Variants in ETV2 observed in about 807,000 individuals in gnomAD.
The protein encoded by ETV2 is ETS variant transcription factor 2.
A neutral mutation model predicts 35.7 loss-of-function variants in ETV2; 34 were observed. That is an observed-to-expected ratio of 0.95 (90% CI 0.72 to 1.27). ETV2 has a LOEUF of 1.27. ETV2 is among the 50% of genes most tolerant of loss of function. The pLI is 0.00. For missense variants in ETV2, 512 were observed against 470.5 expected, an observed-to-expected ratio of 1.09 and a Z score of -0.82; for synonymous variants, 207 against 203.9, an observed-to-expected ratio of 1.02 and a Z score of -0.13.
chr19:35,643,766 CAA>C lies in ETV2; in HGVS notation c.715+15_715+16del, dbSNP rs780119134. On this transcript the variant is annotated intron_variant, in intron 5 of 6. Coordinates refer to ENST00000402764, the MANE Select transcript of ETV2 (RefSeq NM_014209.4). The surrounding 1 kb of genome is among the most constrained non-coding windows in gnomAD (Gnocchi z 5.0). ...ACTAACCACCGAGGTGAGAGGGCCG[CAA>C]AGACTGCGGGGAGGGCGAAGCTGGA... 6.2e-7 allele frequency: 1 copy of C among 1,613,098 alleles called. No individual in the cohort carries two copies. The highest frequency in any genetic ancestry group is 1.1e-5 in the South Asian group (1 of 91,070).
Position 35,643,748 on chromosome 19 carries a change from A to G in ETV2, c.710A>G (p.His237Arg). 2 of 1,612,934 alleles carry G rather than the reference A, an allele frequency of 1.2e-6. No homozygotes were observed. The highest frequency in any genetic ancestry group is 2.2e-5 in the East Asian group (1 of 44,780). ...TTGGCTCGATGCCCCAAAACTAACC[A>G]CCGAGGTGAGAGGGCCGCAAAGACT... ...ASLARCPKTN[H>R]RGPIQLWQFL... Residue 237 changes from histidine (H) to arginine (R), a missense_variant, in exon 5 of 7, where the codon CAC becomes CGC. Transcript: ENST00000402764. The surrounding 1 kb of genome is among the most constrained non-coding windows in gnomAD (Gnocchi z 5.0).
chr19:35,644,334 G>A lies in ETV2; in HGVS notation c.815G>A (p.Cys272Tyr). Residue 272 changes from cysteine to tyrosine, a missense_variant, in exon 6 of 7, where the codon TGC becomes TAC. Coordinates refer to ENST00000402764, the MANE Select transcript of ETV2 (RefSeq NM_014209.4). This position sits in a 1 kb window ranked among gnomAD's most constrained non-coding sequence, Gnocchi z 4.7. ...WTGNSREFQLCDPKEVARLWG... is the reference protein window; with the variant it reads ...WTGNSREFQLYDPKEVARLWG... Reference sequence around the variant, plus strand: ...GGCAACAGCCGCGAGTTCCAGCTGTGCGACCCCAAAGAGGTGGGGCAGCTC... The same window carrying A: ...GGCAACAGCCGCGAGTTCCAGCTGTACGACCCCAAAGAGGTGGGGCAGCTC... 6.4e-7 allele frequency: 1 copy of A among 1,550,968 alleles called. No homozygotes were observed. Among genetic ancestry groups the A allele is most frequent in the Non-Finnish European group, 8.7e-7 (1 of 1,146,232 alleles).
chr19:35,644,463 T>A lies in ETV2; in HGVS notation c.828+116T>A. 1.1e-6 allele frequency: 1 copy of A among 920,178 alleles called. No individual in the cohort carries two copies. Among genetic ancestry groups the A allele is most frequent in the Non-Finnish European group, 1.7e-6 (1 of 602,134 alleles). 57.0% of individuals were successfully genotyped at this position (920,178 alleles called of 1,614,324 possible). On this transcript the variant is annotated intron_variant, in intron 6 of 6. Coordinates refer to ENST00000402764, the MANE Select transcript of ETV2 (RefSeq NM_014209.4). This position sits in a 1 kb window ranked among gnomAD's most constrained non-coding sequence, Gnocchi z 4.7. ...TCGGCCCCGCCGCTCCCCGGCCCAC[T>A]CGAGGCCCCGCCCAACCCTTCTCAA...
rs866241916 is a variant in ETV2 at position 35,643,033 on chromosome 19, C to A, written c.223C>A (p.Pro75Thr). The change falls in exon 4 of 7, where the codon CCA becomes ACA. Residue 75 changes from proline (P) to threonine (T), a missense_variant. Transcript: ENST00000402764. The surrounding 1 kb of genome is among the most constrained non-coding windows in gnomAD (Gnocchi z 5.0). ...CTCCGCGTTACTGCACCCAGAAGTT[C>A]CATGGGGGGCGGGTGAGTGTGGGGA... ...WGSALLHPEV[P>T]WGAEPDSQAL... 5 of 1,565,172 alleles carry A rather than the reference C, an allele frequency of 3.2e-6. No individual in the cohort carries two copies. In the African/African-American group the frequency reaches 5.4e-5, roughly 17 times the overall value.
chr19:35,643,569 C>T lies in ETV2; in HGVS notation c.531C>T (p.Asp177=). 1.3e-6 allele frequency: 2 copies of T among 1,576,018 alleles called. No homozygotes were observed. Among genetic ancestry groups the T allele is most frequent in the Non-Finnish European group, 1.7e-6 (2 of 1,161,264 alleles). ...GCCTGGGCGGGGAGCCGCGCACGGA[C>T]TGTACCATTTCGTGGGGCGGGCCCG... The part of the protein sequence containing the change: ...GSGLGGEPRT[D]CTISWGGPAG... The change falls in exon 5 of 7, where the codon GAC becomes GAT. Residue 177 remains aspartate (D), a synonymous_variant. Coordinates refer to ENST00000402764, the MANE Select transcript of ETV2 (RefSeq NM_014209.4). The surrounding 1 kb of genome is among the most constrained non-coding windows in gnomAD (Gnocchi z 5.0).
rs1010443021 is a variant in ETV2, at chr19:35,644,548, G to A, written c.829-104G>A. The A allele has an allele frequency of 1.7e-6, 2 of 1,154,902 alleles. No individual in the cohort carries two copies. Among genetic ancestry groups the A allele is most frequent in the Non-Finnish European group, 2.4e-6 (2 of 823,948 alleles). The allele number at this position is 1,154,902 out of a possible 1,614,324, so 71.5% of individuals were successfully genotyped here. The stretch of plus-strand genomic sequence containing the variant: ...ACCCAGTCTCCACCGGGCTCTGCGA[G>A]GCCTCGCCCAGGTCTGCACTGCACA... On this transcript the variant is annotated intron_variant, in intron 6 of 6. Transcript: ENST00000402764. This position sits in a 1 kb window ranked among gnomAD's most constrained non-coding sequence, Gnocchi z 4.7.
At position 35,644,091 on chromosome 19, in the gene ETV2, T is replaced by C. The variant is rs547434111; in HGVS notation, c.716-144T>C. ...CCCTGGACGCTTGAGTCTCCAAGGCTGACTGTTGGATCTCAGAGAAGGGGG... is the reference window on the plus strand; with the variant it reads ...CCCTGGACGCTTGAGTCTCCAAGGCCGACTGTTGGATCTCAGAGAAGGGGG... On this transcript the variant is annotated intron_variant, in intron 5 of 6. Coordinates refer to ENST00000402764, the MANE Select transcript of ETV2 (RefSeq NM_014209.4). The surrounding 1 kb of genome is among the most constrained non-coding windows in gnomAD (Gnocchi z 4.7). The C allele has an allele frequency of 3.7e-5, 26 of 702,428 alleles. No individual in the cohort carries two copies. Among genetic ancestry groups the C allele is most frequent in the Non-Finnish European group, 6.1e-5 (24 of 395,392 alleles). 43.5% of individuals were successfully genotyped at this position (702,428 alleles called of 1,614,324 possible).
Position 35,642,770 on chromosome 19 carries a change from AG to A in ETV2, c.154+78del, listed in dbSNP as rs924379840. ...GCTGGGATCCTAGGGCAAAGGGAGG[AG>A]GGGGGCGTGCCTAGGTTCCTGGGAC... On this transcript the variant is annotated intron_variant, in intron 3 of 6. Coordinates refer to ENST00000402764, the MANE Select transcript of ETV2 (RefSeq NM_014209.4). This position sits in a 1 kb window ranked among gnomAD's most constrained non-coding sequence, Gnocchi z 4.4. 4.0e-6 allele frequency: 3 copies of A among 756,848 alleles called. No homozygotes were observed. The highest frequency in any genetic ancestry group is 5.7e-6 in the Non-Finnish European group (3 of 530,050). The allele number at this position is 756,848 out of a possible 1,614,324, so 46.9% of individuals were successfully genotyped here. A position where few individuals can be genotyped will look rare whatever the true frequency, so the allele number is the denominator to read the frequency against.
At position 35,643,448 on chromosome 19, in the gene ETV2, G is replaced by C; in HGVS notation, c.410G>C (p.Gly137Ala). Residue 137 changes from glycine (G) to alanine (A), a missense_variant, in exon 5 of 7, where the codon GGA (glycine) becomes GCA (alanine). Gly to Ala is a moderately conservative substitution (Grantham distance 60, BLOSUM62 0). Transcript: ENST00000402764. The surrounding 1 kb of genome is among the most constrained non-coding windows in gnomAD (Gnocchi z 5.0). The stretch of plus-strand genomic sequence containing the variant: ...GGCCAGAACTGCGTCCCCGTGGCGG[G>C]AGAGGCCACCTCGTGGTCGCGCGCC... ...AAGQNCVPVA[G>A]EATSWSRAQA... 2 of 1,547,052 alleles carry C rather than the reference G, an allele frequency of 1.3e-6. No homozygotes were observed. The highest frequency in any genetic ancestry group is 1.7e-6 in the Non-Finnish European group (2 of 1,145,720).
Position 35,644,580 on chromosome 19 carries a change from C to G in ETV2, c.829-72C>G. On this transcript the variant is annotated intron_variant, in intron 6 of 6. Transcript: ENST00000402764. This position sits in a 1 kb window ranked among gnomAD's most constrained non-coding sequence, Gnocchi z 4.7. ...CCCAGGTCTGCACTGCACACCGCCC[C>G]CAGGCCCGGCCCTCCCCACTATCGC... The G allele has an allele frequency of 6.9e-7, 1 of 1,446,610 alleles. No homozygotes were observed. The highest frequency in any genetic ancestry group is 1.4e-5 in the South Asian group (1 of 73,926). 89.6% of individuals were successfully genotyped at this position (1,446,610 alleles called of 1,614,324 possible).
In ETV2 at chr19:35,643,035, A is replaced by G; in HGVS notation, c.225A>G (p.Pro75=). The change falls in exon 4 of 7, where the codon CCA becomes CCG. Residue 75 remains proline, a synonymous_variant. Coordinates refer to ENST00000402764, the MANE Select transcript of ETV2 (RefSeq NM_014209.4). The surrounding 1 kb of genome is among the most constrained non-coding windows in gnomAD (Gnocchi z 5.0). ...WGSALLHPEV[P]WGAEPDSQAL... ...CCGCGTTACTGCACCCAGAAGTTCC[A>G]TGGGGGGCGGGTGAGTGTGGGGAGA... 2 of 1,478,146 alleles carry G rather than the reference A, an allele frequency of 1.4e-6. No individual in the cohort carries two copies. The highest frequency in any genetic ancestry group is 1.2e-5 in the South Asian group (1 of 84,140). 91.6% of individuals were successfully genotyped at this position (1,478,146 alleles called of 1,614,324 possible).
chr19:35,643,179 GCCGGGCCC>G lies in ETV2; in HGVS notation c.236-93_236-86del. The G allele has an allele frequency of 6.7e-7, 1 of 1,498,406 alleles. No individual in the cohort carries two copies. Among genetic ancestry groups the G allele is most frequent in the Non-Finnish European group, 9.0e-7 (1 of 1,116,312 alleles). The allele number at this position is 1,498,406 out of a possible 1,614,324, so 92.8% of individuals were successfully genotyped here. A position where few individuals can be genotyped will look rare whatever the true frequency, so the allele number is the denominator to read the frequency against. On this transcript the variant is annotated intron_variant, in intron 4 of 6. Coordinates refer to ENST00000402764, the MANE Select transcript of ETV2 (RefSeq NM_014209.4). This position sits in a 1 kb window ranked among gnomAD's most constrained non-coding sequence, Gnocchi z 5.0. Reference sequence around the variant, plus strand: ...GGTGGCATGACCTGGATCCGGGTCAGCCGGGCCCCAAGTGCCAGGGTTGAGAGCTTAGA... The same window carrying G: ...GGTGGCATGACCTGGATCCGGGTCAGCAAGTGCCAGGGTTGAGAGCTTAGA...
In ETV2 at chr19:35,643,002, C is replaced by T. The variant is rs887780556; in HGVS notation, c.192C>T (p.Asp64=). 1.3e-6 allele frequency: 2 copies of T among 1,576,064 alleles called. No individual in the cohort carries two copies. The highest frequency in any genetic ancestry group is 2.7e-5 in the African/African-American group (2 of 74,068). The part of the protein sequence containing the change: ...SSSLASFPQL[D]WGSALLHPEV... ...CCCTGGCAAGCTTCCCACAGCTGGACTGGGGCTCCGCGTTACTGCACCCAG... is the reference window on the plus strand; with the variant it reads ...CCCTGGCAAGCTTCCCACAGCTGGATTGGGGCTCCGCGTTACTGCACCCAG... Residue 64 remains aspartate (D), a synonymous_variant, in exon 4 of 7, where the codon GAC becomes GAT. Coordinates refer to ENST00000402764, the MANE Select transcript of ETV2 (RefSeq NM_014209.4). The surrounding 1 kb of genome is among the most constrained non-coding windows in gnomAD (Gnocchi z 5.0).
At position 35,644,349 on chromosome 19, in the gene ETV2, TG is replaced by T; in HGVS notation, c.828+6del. 3 of 1,526,446 alleles carry T rather than the reference TG, an allele frequency of 2.0e-6. No homozygotes were observed. The highest frequency in any genetic ancestry group is 2.7e-6 in the Non-Finnish European group (3 of 1,131,438). The allele number at this position is 1,526,446 out of a possible 1,614,324, so 94.6% of individuals were successfully genotyped here. On this transcript the variant is annotated splice_donor_region_variant and intron_variant, in intron 6 of 6. Transcript: ENST00000402764. This position sits in a 1 kb window ranked among gnomAD's most constrained non-coding sequence, Gnocchi z 4.7. ...TTCCAGCTGTGCGACCCCAAAGAGG[TG>T]GGGCAGCTCCCCTGCCCAGCCAAAT...
rs568317731 is a variant in ETV2, at chr19:35,642,055, A to C, written c.-129A>C. ...GAGCCTGGCTGCGACCCCTGCTCTG[A>C]CGTCTCGGAAAATTCCCCCTTGCCC... is the stretch of plus-strand genomic sequence containing the variant. On this transcript the variant is annotated 5_prime_UTR_variant, in exon 1 of 7. Transcript: ENST00000402764. This position sits in a 1 kb window ranked among gnomAD's most constrained non-coding sequence, Gnocchi z 4.4. The C allele has an allele frequency of 1.1e-4, 17 of 158,054 alleles. No homozygotes were observed. Among genetic ancestry groups the C allele is most frequent in the Middle Eastern group, 3.2e-3 (1 of 310 alleles). 9.8% of individuals were successfully genotyped at this position (158,054 alleles called of 1,614,324 possible).
chr19:35,644,316 G>A lies in ETV2; in HGVS notation c.797G>A (p.Ser266Asn). ...AGCTGCATCCGTTGGACTGGCAACAGCCGCGAGTTCCAGCTGTGCGACCCC... is the reference window on the plus strand; with the variant it reads ...AGCTGCATCCGTTGGACTGGCAACAACCGCGAGTTCCAGCTGTGCGACCCC... Reference protein sequence around the residue: ...RSSCIRWTGNSREFQLCDPKE... With the variant: ...RSSCIRWTGNNREFQLCDPKE... The change falls in exon 6 of 7, where the codon AGC becomes AAC. Residue 266 changes from serine to asparagine, a missense_variant. Ser to Asn is a conservative substitution (Grantham distance 46). Coordinates refer to ENST00000402764, the MANE Select transcript of ETV2 (RefSeq NM_014209.4). The surrounding 1 kb of genome is among the most constrained non-coding windows in gnomAD (Gnocchi z 4.7). 1 of 1,555,382 alleles carries A rather than the reference G, an allele frequency of 6.4e-7. No individual in the cohort carries two copies. The highest frequency in any genetic ancestry group is 8.7e-7 in the Non-Finnish European group (1 of 1,149,130).
At position 35,643,560 on chromosome 19, in the gene ETV2, G is replaced by A; in HGVS notation, c.522G>A (p.Pro174=). ...GGGGCAGTGGCCTGGGCGGGGAGCC[G>A]CGCACGGACTGTACCATTTCGTGGG... ...TYWGSGLGGE[P]RTDCTISWGG... The change falls in exon 5 of 7, where the codon CCG becomes CCA. Residue 174 remains proline (P), a synonymous_variant. Transcript: ENST00000402764. This position sits in a 1 kb window ranked among gnomAD's most constrained non-coding sequence, Gnocchi z 5.0. The A allele has an allele frequency of 6.4e-7, 1 of 1,562,628 alleles. No homozygotes were observed. The highest frequency in any genetic ancestry group is 8.7e-7 in the Non-Finnish European group (1 of 1,153,786).
rs1165775544 is a variant in ETV2 at position 35,642,511 on chromosome 19, G to T, written c.51G>T (p.Gly17=). Residue 17 remains glycine (G), a synonymous_variant, in exon 2 of 7, where the codon GGG becomes GGT. Transcript: ENST00000402764. The surrounding 1 kb of genome is among the most constrained non-coding windows in gnomAD (Gnocchi z 4.4). The part of the protein sequence containing the change: ...DEASPQEVPP[G]NKLAGLEGAK... ...CATCCCCACAGGAAGTGCCTCCAGGGAACAAGCTGGCAGGGCTTGGTAGGC... is the reference window on the plus strand; with the variant it reads ...CATCCCCACAGGAAGTGCCTCCAGGTAACAAGCTGGCAGGGCTTGGTAGGC... The T allele has an allele frequency of 1.9e-6, 3 of 1,613,108 alleles. No homozygotes were observed. The highest frequency in any genetic ancestry group is 1.3e-5 in the African/African-American group (1 of 75,026).
In ETV2 at chr19:35,643,892, G is replaced by T; in HGVS notation, c.715+139G>T. 7.8e-7 allele frequency: 1 copy of T among 1,275,748 alleles called. No individual in the cohort carries two copies. Among genetic ancestry groups the T allele is most frequent in the Non-Finnish European group, 1.1e-6 (1 of 918,022 alleles). The allele number at this position is 1,275,748 out of a possible 1,614,324, so 79.0% of individuals were successfully genotyped here. A position where few individuals can be genotyped will look rare whatever the true frequency, so the allele number is the denominator to read the frequency against. On this transcript the variant is annotated intron_variant, in intron 5 of 6. Transcript: ENST00000402764. This position sits in a 1 kb window ranked among gnomAD's most constrained non-coding sequence, Gnocchi z 5.0. ...GACCAGGGGCTCGAAGGAGGGGCCGGTGGCCCGCACTCCAGGTCCTTGGGG... is the reference window on the plus strand; with the variant it reads ...GACCAGGGGCTCGAAGGAGGGGCCGTTGGCCCGCACTCCAGGTCCTTGGGG...
Sources: allele counts gnomAD v4.1 joint callset, GRCh38; gene constraint gnomAD v4.1.1; non-coding constraint Gnocchi (gnomAD v3.1); transcripts MANE v1.5; gene names NCBI Gene and HGNC (gene_info 2026-07-23, HGNC 2026-07-21).